CREB5: variants seen among roughly 807,000 people sequenced by gnomAD.
The protein encoded by CREB5 is cyclic AMP-responsive element-binding protein 5.
In CREB5, 19 loss-of-function variants were observed where a neutral mutation model predicts 57.1. The ratio of observed to expected loss-of-function variants is 0.33; its 90% CI spans 0.23 to 0.49. The LOEUF is 0.49. Ranked by LOEUF, CREB5 falls within the 20% of genes least tolerant of loss-of-function variation. CREB5 has a pLI of 0.99. For synonymous variants in CREB5, 238 were observed against 238.3 expected, an observed-to-expected ratio of 1.00 and a Z score of 0.01; for missense variants, 579 against 671.6, an observed-to-expected ratio of 0.86 and a Z score of 1.52.
At chr7:28,491,473 CA>C (rs1447238691) in intron 2 of CREB5, among the ~76,000 whole-genome samples, 1 of 152,048 alleles carries the variant, frequency 6.6e-6, no homozygotes, top group Non-Finnish European at 1.5e-5. Context: ...AGGAGCAGGT[CA>C]TTTCCTTGAG....
In CREB5 at chr7:28,809,204, A is replaced by G; in HGVS notation, c.1044A>G (p.Gln348=). The stretch of plus-strand genomic sequence containing the variant: ...CCCAGCAGGTTTCACCAGCAACACA[A>G]CAGATGCAGCCAACCCAGACAATAC... ...GNQAQVSPAT[Q]QMQPTQTIQP... The change falls in exon 9 of 11, where the codon CAA becomes CAG. Residue 348 remains glutamine, a synonymous_variant. Coordinates refer to ENST00000357727, the MANE Select transcript of CREB5 (RefSeq NM_182898.4). 6.2e-7 allele frequency: 1 copy of G among 1,613,088 alleles called. No homozygotes were observed. The highest frequency in any genetic ancestry group is 8.5e-7 in the Non-Finnish European group (1 of 1,179,436).
chr7:28,630,722 G>A (rs1327362625), intron 5 of CREB5, among the ~76,000 whole-genome samples: 1 of 152,128 alleles, frequency 6.6e-6, no homozygotes, highest in Non-Finnish European at 1.5e-5. Context: ...ACAATAGTGT[G>A]GCTAAGAGTC....
chr7:28,602,624 T>C (rs74396557), intron 5 of CREB5, among the ~76,000 whole-genome samples: 12,956 of 152,248 alleles, frequency 0.085, 759 homozygotes, highest in South Asian at 0.16. Flanking sequence ...GATTATATGC[T>C]ATATGATTTC....
chr7:28,516,570 G>A (rs992031808), intron 4 of CREB5, among the ~76,000 whole-genome samples: 3 of 152,026 alleles, frequency 2.0e-5, no homozygotes, highest in East Asian at 1.9e-4. Context: ...TCTTTGGCCC[G>A]CCCTGCCCTC....
In CREB5 at chr7:28,809,367, T is replaced by C. The variant is rs779789623; in HGVS notation, c.1207T>C (p.Leu403=). The change falls in exon 9 of 11, where the codon TTG becomes CTG. Residue 403 remains leucine, a synonymous_variant. Coordinates refer to ENST00000357727, the MANE Select transcript of CREB5 (RefSeq NM_182898.4). ...RQKRKVWVMS[L]EKKAEELTQT... Reference sequence around the variant, plus strand: ...GAAGAGGAAGGTCTGGGTGATGTCATTGGAAAAGAAAGCAGAAGAACTCAC... The same window carrying C: ...GAAGAGGAAGGTCTGGGTGATGTCACTGGAAAAGAAAGCAGAAGAACTCAC... The C allele has an allele frequency of 2.0e-5, 32 of 1,613,986 alleles. No individual in the cohort carries two copies. Among genetic ancestry groups the C allele is most frequent in the South Asian group, 1.4e-4 (13 of 91,058 alleles).
At chr7:28,343,753 T>G (rs1785981394) in intron 1 of CREB5, among the ~76,000 whole-genome samples, 1 of 152,228 alleles carries the variant, frequency 6.6e-6, no homozygotes. Context: ...CTGGATCCTA[T>G]GGTAATTCTA....
intron 4 of CREB5, among the ~76,000 whole-genome samples, chr7:28,518,067 G>A (rs1793052671): frequency 6.6e-6 from 1 of 152,142 alleles, no homozygotes; most frequent in South Asian, 2.1e-4. Context: ...TGAGGGTGGG[G>A]GAGCAGCTTG....
At chr7:28,733,964 T>G (rs1430125061) in intron 7 of CREB5, among the ~76,000 whole-genome samples, 2 of 152,096 alleles carry the variant, frequency 1.3e-5, no homozygotes, top group Admixed American at 6.6e-5. Flanking sequence ...CAAGGACCCA[T>G]GATAAGTAGG....
chr7:28,428,609 G>A (rs1001214926), intron 1 of CREB5, among the ~76,000 whole-genome samples: 1 of 152,172 alleles, frequency 6.6e-6, no homozygotes, highest in Non-Finnish European at 1.5e-5. Flanking sequence ...AGTTGTCATC[G>A]ACTGAGATGG....
At chr7:28,505,778 G>A (rs370938710) in intron 3 of CREB5, among the ~76,000 whole-genome samples, 5 of 152,126 alleles carry the variant, frequency 3.3e-5, no homozygotes, top group Admixed American at 1.3e-4. Flanking sequence ...AGAATCATGC[G>A]AGATCTAGAT....
In CREB5 at chr7:28,358,492, T is replaced by C. The variant is rs1033843828; in HGVS notation, c.-25+59051T>C. 2.0e-5 allele frequency among the ~76,000 whole-genome samples: 3 copies of C among 152,250 alleles called. 1 individual carries two copies. The highest frequency in any genetic ancestry group is 2.9e-5 in the Non-Finnish European group (2 of 68,048). ...CTGTTGGTCACCACTTATTAGCAGA[T>C]GGGACAGGCCGGGAGCTCTGGTGGT... On this transcript the variant is annotated intron_variant, in intron 1 of 9. Transcript: ENST00000396299.
At chr7:28,741,441 C>T (rs934606603) in intron 7 of CREB5, among the ~76,000 whole-genome samples, 1 of 146,552 alleles carries the variant, frequency 6.8e-6, no homozygotes, top group Non-Finnish European at 1.5e-5. Flanking sequence ...ACCTGGACTT[C>T]AGGGAGAAAG....
At chr7:28,777,913 A>C (rs1481188798) in intron 7 of CREB5, among the ~76,000 whole-genome samples, 1 of 152,114 alleles carries the variant, frequency 6.6e-6, no homozygotes, top group East Asian at 1.9e-4. Flanking sequence ...TCAACAGAAT[A>C]TTTTCTTTTG....
At chr7:28,551,920 TTTTCTTTC>T (rs142014072) in intron 4 of CREB5, among the ~76,000 whole-genome samples, 2 of 150,010 alleles carry the variant, frequency 1.3e-5, no homozygotes, top group African/African-American at 5.0e-5. Flanking sequence ...TCTTTCTCTT[TTTTCTTTC>T]TTTCTTTTTT....
intron 5 of CREB5, among the ~76,000 whole-genome samples, chr7:28,581,217 G>A (rs916569911): frequency 6.6e-6 from 1 of 152,130 alleles, no homozygotes; most frequent in Non-Finnish European, 1.5e-5. Context: ...TAACCTTCTT[G>A]CACACAAACT....
intron 1 of CREB5, among the ~76,000 whole-genome samples, chr7:28,435,863 GAA>G (rs1788939501): frequency 6.6e-6 from 1 of 151,926 alleles, no homozygotes; most frequent in Admixed American, 6.6e-5. Context: ...CCTAGAAAAT[GAA>G]AAAATATTCT....
chr7:28,565,372 C>T (rs554625892), intron 4 of CREB5, among the ~76,000 whole-genome samples: 12 of 152,238 alleles, frequency 7.9e-5, no homozygotes, highest in Admixed American at 1.3e-4. Flanking sequence ...TAAATTTGTT[C>T]GGACAGAAGG....
chr7:28,321,146 A>G (rs1220010966), intron 1 of CREB5, among the ~76,000 whole-genome samples: 1 of 152,214 alleles, frequency 6.6e-6, no homozygotes, highest in African/African-American at 2.4e-5. Context: ...ACTTGGACAC[A>G]CTGCTTGACA....
At chr7:28,670,858 C>T (rs1369212460) in intron 5 of CREB5, among the ~76,000 whole-genome samples, 1 of 152,122 alleles carries the variant, frequency 6.6e-6, no homozygotes, top group Non-Finnish European at 1.5e-5. Context: ...TAAAGAAATC[C>T]ATTTCCCTTT....
Sources: allele counts gnomAD v4.1 joint callset (sites outside exome capture counted in the v4.1 genomes callset), GRCh38; gene constraint gnomAD v4.1.1; transcripts MANE v1.5; gene names NCBI Gene and HGNC (gene_info 2026-07-23, HGNC 2026-07-21).